The following OIT3 variants were observed in gnomAD, a reference collection of about 807,000 sequenced individuals.
The protein encoded by OIT3 is oncoprotein-induced transcript 3 protein.
A neutral mutation model predicts 52.2 loss-of-function variants in OIT3; 41 were observed. The observed-to-expected ratio is 0.79, with a 90% confidence interval of 0.61 to 1.02. OIT3 has a LOEUF of 1.02. Ranked by LOEUF, OIT3 falls within the 50% of genes least tolerant of loss-of-function variation. OIT3 has a pLI of 0.00. For synonymous variants in OIT3, 244 were observed against 276.9 expected, an observed-to-expected ratio of 0.88 and a Z score of 1.18; for missense variants, 634 against 715.5, an observed-to-expected ratio of 0.89 and a Z score of 1.30.
At chr10:72,920,090 G>A (rs1195651013) in intron 6 of OIT3, among the ~76,000 whole-genome samples, 1 of 151,990 alleles carries the variant, frequency 6.6e-6, no homozygotes, top group Non-Finnish European at 1.5e-5. Context: ...GCTTTTTTTT[G>A]GTTGTAGGCT....
At chr10:72,908,874 T>C (rs1846003261) in intron 4 of OIT3, among the ~76,000 whole-genome samples, 1 of 151,980 alleles carries the variant, frequency 6.6e-6, no homozygotes, top group South Asian at 2.1e-4. Context: ...CAAACATATA[T>C]GTTTCTTTAG....
intron 5 of OIT3, among the ~76,000 whole-genome samples, chr10:72,912,852 T>C (rs991581969): frequency 6.6e-6 from 1 of 152,296 alleles, no homozygotes; most frequent in East Asian, 1.9e-4. Context: ...TTTGGAAGCC[T>C]TTCCCAAGTG....
chr10:72,917,796 C>A, intron 6 of OIT3: 2 of 1,451,662 alleles, frequency 1.4e-6, no homozygotes, highest in Non-Finnish European at 1.9e-6. Context: ...TTCTACAGAA[C>A]TAGGTCCTTT....
intron 6 of OIT3, among the ~76,000 whole-genome samples, chr10:72,917,371 C>A (rs540302346): frequency 6.6e-6 from 1 of 151,934 alleles, no homozygotes; most frequent in East Asian, 1.9e-4. Flanking sequence ...GTCTCCCCAT[C>A]GTTTCCATGC....
At chr10:72,897,108 C>A (rs1482840938) in intron 1 of OIT3, among the ~76,000 whole-genome samples, 1 of 152,162 alleles carries the variant, frequency 6.6e-6, no homozygotes, top group Non-Finnish European at 1.5e-5. Context: ...CCTGCAACCT[C>A]CACCTTCCGG....
In OIT3 at chr10:72,910,058, TCTTC is replaced by T. The variant is rs1404631275; in HGVS notation, c.668-1656_668-1653del. Among the ~76,000 whole-genome samples, 5 of 152,218 alleles carry T rather than the reference TCTTC, an allele frequency of 3.3e-5. No individual in the cohort carries two copies. The South Asian group carries it at 6.2e-4, about 19-fold the overall frequency. On this transcript the variant is annotated intron_variant, in intron 4 of 8. Transcript: ENST00000334011. Reference sequence around the variant, plus strand: ...TATCCATTCTAAACATTTTGGTATATCTTCCTGAGAGACTTAAATATTTTAAGCT... The same window carrying T: ...TATCCATTCTAAACATTTTGGTATATCTGAGAGACTTAAATATTTTAAGCT...
intron 6 of OIT3, among the ~76,000 whole-genome samples, chr10:72,916,949 T>C (rs1309496267): frequency 6.6e-6 from 1 of 152,238 alleles, no homozygotes; most frequent in East Asian, 1.9e-4. Context: ...TTTTTTTTCA[T>C]ATGCTTGTTG....
intron 7 of OIT3, among the ~76,000 whole-genome samples, chr10:72,928,885 C>T (rs1805962484): frequency 6.6e-6 from 1 of 151,912 alleles, no homozygotes; most frequent in African/African-American, 2.4e-5. Context: ...TTTAGGTGCA[C>T]CAAAACAGCA....
intron 1 of OIT3, among the ~76,000 whole-genome samples, chr10:72,898,309 C>A (rs1052381442): frequency 6.6e-6 from 1 of 151,960 alleles, no homozygotes; most frequent in African/African-American, 2.4e-5. Flanking sequence ...AATACAGTCT[C>A]CATGTATGAA....
chr10:72,921,680 T>C (rs990918086), intron 6 of OIT3, among the ~76,000 whole-genome samples: 1 of 151,230 alleles, frequency 6.6e-6, no homozygotes, highest in African/African-American at 2.4e-5. Flanking sequence ...TCTTTCTTTT[T>C]TTTTTTTTTT....
intron 4 of OIT3, among the ~76,000 whole-genome samples, chr10:72,907,346 A>AG (rs1158343324): frequency 6.6e-6 from 1 of 152,190 alleles, no homozygotes; most frequent in Non-Finnish European, 1.5e-5. Flanking sequence ...ATCTTGTCAA[A>AG]ATGCAGATTC....
chr10:72,915,740 C>CA (rs1402086789), intron 6 of OIT3, among the ~76,000 whole-genome samples: 1 of 151,970 alleles, frequency 6.6e-6, no homozygotes, highest in Non-Finnish European at 1.5e-5. Context: ...CACAAACATG[C>CA]AAAAAACATG....
chr10:72,923,350 GC>G (rs770474539), intron 6 of OIT3, among the ~76,000 whole-genome samples: 45 of 152,348 alleles, frequency 3.0e-4, no homozygotes, highest in Admixed American at 9.1e-4. Context: ...CTCCATCCCT[GC>G]AGGGTACAGA....
At chr10:72,896,319 G>T (rs1330945402) in intron 1 of OIT3, among the ~76,000 whole-genome samples, 2 of 152,312 alleles carry the variant, frequency 1.3e-5, no homozygotes, top group African/African-American at 4.8e-5. Context: ...CTGTGAAACT[G>T]CTCTGGAAAC....
chr10:72,896,101 C>A (rs1250396558), intron 1 of OIT3, among the ~76,000 whole-genome samples: 1 of 152,088 alleles, frequency 6.6e-6, no homozygotes, highest in Non-Finnish European at 1.5e-5. Context: ...TACCCTATCT[C>A]CCCTACAGCA....
intron 6 of OIT3, chr10:72,918,502 G>A (rs1186438507): frequency 2.1e-6 from 3 of 1,396,994 alleles, no homozygotes; most frequent in African/African-American, 2.8e-5. Flanking sequence ...GGGGCCTCAG[G>A]AGGCTCATGT....
intron 4 of OIT3, among the ~76,000 whole-genome samples, chr10:72,908,755 A>C (rs11000444): frequency 0.25 from 37,471 of 151,942 alleles, 10,587 homozygotes; most frequent in African/African-American, 0.69. Flanking sequence ...AATCTTAAAA[A>C]CTAATAACCA....
intron 1 of OIT3, among the ~76,000 whole-genome samples, chr10:72,896,556 A>G (rs990316912): frequency 6.6e-6 from 1 of 152,146 alleles, no homozygotes. Context: ...CTTGTCTTAC[A>G]TTGTCATATT....
At chr10:72,922,145 T>C (rs1846127336) in intron 6 of OIT3, among the ~76,000 whole-genome samples, 1 of 152,206 alleles carries the variant, frequency 6.6e-6, no homozygotes, top group Non-Finnish European at 1.5e-5. Context: ...TTGGAGAATC[T>C]GAAGATTTTG....
Sources: allele counts gnomAD v4.1 joint callset (sites outside exome capture counted in the v4.1 genomes callset), GRCh38; gene constraint gnomAD v4.1.1; transcripts MANE v1.5; gene names NCBI Gene and HGNC (gene_info 2026-07-23, HGNC 2026-07-21).